PLB1: variants seen among roughly 807,000 people sequenced by gnomAD.
PLB1 encodes phospholipase B1, membrane-associated.
PLB1 carries 242 observed loss-of-function variants against 227.4 expected under a neutral mutation model. That is an observed-to-expected ratio of 1.06 (90% CI 0.96 to 1.18). PLB1 has a LOEUF of 1.18. PLB1 is among the 50% of genes most tolerant of loss of function. The pLI is 0.00. For missense variants in PLB1, 1,858 were observed against 1,816.3 expected (o/e 1.02, Z -0.42); for synonymous variants, 757 against 682.2 (o/e 1.11, Z -1.71).
chr2:28,581,492 AATAAATAAATAAAT>A (rs1558821451), intron 23 of PLB1, among the ~76,000 whole-genome samples: 34 of 79,420 alleles, frequency 4.3e-4, no homozygotes, highest in South Asian at 3.4e-3. Context: ...CAAAAAAATA[AATAAATAAATAAAT>A]AAATAAATAA....
intron 20 of PLB1, among the ~76,000 whole-genome samples, chr2:28,571,935 T>C (rs762438743): frequency 5.3e-5 from 8 of 152,064 alleles, no homozygotes; most frequent in Non-Finnish European, 7.4e-5. Flanking sequence ...AAAATCGATA[T>C]TTTGCGCTTC....
At chr2:28,559,574 G>T (rs1346243687) in intron 17 of PLB1, among the ~76,000 whole-genome samples, 1 of 152,062 alleles carries the variant, frequency 6.6e-6, no homozygotes, top group Non-Finnish European at 1.5e-5. Context: ...CGAGACCTTG[G>T]AGACCTGGAA....
chr2:28,601,950 G>A lies in PLB1; in HGVS notation c.2659G>A (p.Val887Ile), dbSNP rs748768563. 55 of 1,610,850 alleles carry A rather than the reference G, an allele frequency of 3.4e-5. No homozygotes were observed. The Admixed American group carries it at 7.2e-4, about 21-fold the overall frequency. ...FVHHLRNALD[V>I]LHREVPRVLV... Reference sequence around the variant, plus strand: ...TCACCATCTCCGCAATGCCTTGGACGTCCTGCATAGAGAGGTGGGTGGGGG... The same window carrying A: ...TCACCATCTCCGCAATGCCTTGGACATCCTGCATAGAGAGGTGGGTGGGGG... The change falls in exon 38 of 58, where the codon GTC (valine) becomes ATC (isoleucine). Residue 887 changes from valine to isoleucine, a missense_variant. Val to Ile is a conservative substitution (Grantham distance 29). Coordinates refer to ENST00000327757, the MANE Select transcript of PLB1 (RefSeq NM_153021.5).
chr2:28,522,165 T>C (rs1474493266), intron 4 of PLB1, among the ~76,000 whole-genome samples: 4 of 151,956 alleles, frequency 2.6e-5, no homozygotes, highest in Admixed American at 6.6e-5. Context: ...CACCTCTGCT[T>C]GAGCACTGGA....
In PLB1 at chr2:28,591,173, TA is replaced by T. The variant is rs781494011; in HGVS notation, c.2127+3del. ...AGGACCTACAAGAACAGCATGCAGG[TA>T]CCTGCCTCTTGCCTCCTCTTGACTC... On this transcript the variant is annotated splice_donor_region_variant and intron_variant, in intron 30 of 57. Coordinates refer to ENST00000327757, the MANE Select transcript of PLB1 (RefSeq NM_153021.5). 6.2e-7 allele frequency: 1 copy of T among 1,614,180 alleles called. No individual in the cohort carries two copies. The highest frequency in any genetic ancestry group is 1.1e-5 in the South Asian group (1 of 91,086).
intron 56 of PLB1, 185 bp downstream of exon 56, chr2:28,633,224 C>G: frequency 1.7e-6 from 1 of 571,520 alleles, no homozygotes; most frequent in Non-Finnish European, 3.1e-6. Context: ...TATCCAACAC[C>G]CTTTGAAAGT....
chr2:28,562,929 A>G, intron 17 of PLB1, 112 bp from the exon 18 acceptor site: 1 of 1,069,146 alleles, frequency 9.4e-7, no homozygotes, highest in Non-Finnish European at 1.4e-6. Context: ...CTTGGTGGTA[A>G]AAACTGACTT....
intron 9 of PLB1, among the ~76,000 whole-genome samples, chr2:28,534,974 TG>T (rs1248707706): frequency 4.6e-5 from 7 of 152,232 alleles, no homozygotes; most frequent in Admixed American, 6.5e-5. Flanking sequence ...GCCTCCTAAT[TG>T]CCCTCCAAAG....
chr2:28,625,218 A>C lies in PLB1; in HGVS notation c.3579+110A>C, dbSNP rs1687587369. On this transcript the variant is annotated intron_variant, in intron 50 of 57. Coordinates refer to ENST00000327757, the MANE Select transcript of PLB1 (RefSeq NM_153021.5). ...ACCACAGCACTTCCTGCTTTGGGCT[A>C]GCCAAAAGATCCTCGGAGAAGCAGT... 7.8e-6 allele frequency: 8 copies of C among 1,028,176 alleles called. No homozygotes were observed. The Admixed American group carries it at 1.6e-4, about 20-fold the overall frequency. The allele number at this position is 1,028,176 out of a possible 1,614,324, so 63.7% of individuals were successfully genotyped here.
chr2:28,642,463 G>A (rs1351382811), intron 57 of PLB1, among the ~76,000 whole-genome samples: 2 of 152,276 alleles, frequency 1.3e-5, no homozygotes, highest in South Asian at 2.1e-4. Context: ...GTCCTTCCAT[G>A]CTGCCCTTCC....
At chr2:28,598,131 G>A in intron 34 of PLB1, 83 bp downstream of exon 34, 2 of 1,209,368 alleles carry the variant, frequency 1.7e-6, no homozygotes, top group Non-Finnish European at 2.4e-6. Context: ...TCCCAGGTAA[G>A]CAGCAAATGA....
At chr2:28,564,881 T>A (rs1376227081) in intron 18 of PLB1, among the ~76,000 whole-genome samples, 1 of 152,176 alleles carries the variant, frequency 6.6e-6, no homozygotes, top group Non-Finnish European at 1.5e-5. Context: ...ATAGGTGAGA[T>A]ATATTGGTAT....
rs1690182008 is a variant in PLB1 at position 28,643,455 on chromosome 2, T to G, written c.*394T>G. The G allele has an allele frequency of 5.9e-6, 1 of 170,938 alleles. No individual in the cohort carries two copies. Among genetic ancestry groups the G allele is most frequent in the South Asian group, 1.8e-4 (1 of 5,612 alleles). The allele number at this position is 170,938 out of a possible 1,614,324, so 10.6% of individuals were successfully genotyped here. On this transcript the variant is annotated 3_prime_UTR_variant, in exon 58 of 58. Transcript: ENST00000327757. The stretch of plus-strand genomic sequence containing the variant: ...CCCACTATTTCAAAGGCAGAAAAAA[T>G]GCTGGTCACCAGGTGGTGGCTGGAA...
In PLB1 at chr2:28,538,417, T is replaced by TG. The variant is rs1671999840; in HGVS notation, c.618+40dup. On this transcript the variant is annotated intron_variant, in intron 10 of 57. Coordinates refer to ENST00000327757, the MANE Select transcript of PLB1 (RefSeq NM_153021.5). ...GGGCCTAGGGCTTCCCCAAGGGCAG[T>TG]GGGGCCCATTTACCCTCATGTGGCC... 6 of 1,586,422 alleles carry TG rather than the reference T, an allele frequency of 3.8e-6. No individual in the cohort carries two copies. In the East Asian group the frequency reaches 1.1e-4, roughly 30 times the overall value.
chr2:28,612,235 C>G (rs147362953), intron 43 of PLB1, among the ~76,000 whole-genome samples: 1 of 152,220 alleles, frequency 6.6e-6, no homozygotes, highest in Non-Finnish European at 1.5e-5. Flanking sequence ...TCGGGTGCCT[C>G]AGGGAACCAG....
Position 28,577,437 on chromosome 2 carries a change from T to C in PLB1, c.1434-670T>C, listed in dbSNP as rs144108134. On this transcript the variant is annotated intron_variant, in intron 21 of 57. Transcript: ENST00000327757. Reference sequence around the variant, plus strand: ...CCATGGCACCTGCCAAAATGGGTGGTGCCATGACATGTGCATGATGTGAAA... The same window carrying C: ...CCATGGCACCTGCCAAAATGGGTGGCGCCATGACATGTGCATGATGTGAAA... Among the ~76,000 whole-genome samples the C allele has an allele frequency of 3.8e-3, 581 of 152,350 alleles. 2 individuals carry two copies. The highest frequency in any genetic ancestry group is 6.8e-3 in the Middle Eastern group (2 of 294).
chr2:28,635,939 C>T (rs1263026371), intron 56 of PLB1, among the ~76,000 whole-genome samples: 11 of 152,174 alleles, frequency 7.2e-5, no homozygotes, highest in East Asian at 3.8e-4. Context: ...CTCTTAGAAT[C>T]GTGACTCTCA....
chr2:28,606,058 C>A, intron 42 of PLB1, 110 bp downstream of exon 42: 1 of 843,488 alleles, frequency 1.2e-6, no homozygotes, highest in South Asian at 1.5e-5. Context: ...GTGGCTGGTA[C>A]ATCTATAAAC....
chr2:28,594,824 A>G (rs1558865985), intron 33 of PLB1: 1 of 152,178 alleles, frequency 6.6e-6, no homozygotes, highest in East Asian at 1.9e-4. Flanking sequence ...GCCATGGAAC[A>G]AATCAGAGCC....
Sources: gnomAD v4.1 joint callset for allele counts (sites outside exome capture counted in the v4.1 genomes callset) on GRCh38, gnomAD v4.1.1 for gene constraint, MANE v1.5 for transcripts, NCBI Gene and HGNC (gene_info 2026-07-23, HGNC 2026-07-21) for gene names.